Variants in ZNF528 observed in about 807,000 individuals in gnomAD.
ZNF528 encodes the protein zinc finger protein 528.
Under a neutral mutation model 13.3 loss-of-function variants are expected in ZNF528, and 9 were observed. The observed-to-expected ratio is 0.67, with a 90% confidence interval of 0.41 to 1.18. The LOEUF is 1.18. Ranked by LOEUF, ZNF528 falls within the 50% of genes most tolerant of loss-of-function variation. The pLI is 0.01. For synonymous variants in ZNF528, 264 were observed against 254.3 expected (o/e 1.04, Z -0.36); for missense variants, 858 against 745.4 (o/e 1.15, Z -1.76).
intron 6 of ZNF528, chr19:52,414,186 T>G (rs560076389): frequency 1.4e-6 from 1 of 702,192 alleles, no homozygotes; most frequent in African/African-American, 1.7e-5. Flanking sequence ...GTTTCCCCAT[T>G]CACCTTGTGA....
intron 2 of ZNF528, among the ~76,000 whole-genome samples, chr19:52,399,633 A>C (rs914960348): frequency 6.6e-6 from 1 of 152,054 alleles, no homozygotes; most frequent in African/African-American, 2.4e-5. Context: ...AAAAAACCAC[A>C]CATGAAGATG....
In ZNF528 at chr19:52,415,560, T is replaced by C; in HGVS notation, c.708T>C (p.Thr236=). 1 of 1,614,194 alleles carries C rather than the reference T, an allele frequency of 6.2e-7. No individual in the cohort carries two copies. The highest frequency in any genetic ancestry group is 8.5e-7 in the Non-Finnish European group (1 of 1,180,034). ...SKLVIHRRMH[T]GEKPYKCHEC... ...TTGTGATACATCGAAGAATGCATAC[T>C]GGAGAGAAGCCTTACAAATGTCATG... The change falls in exon 7 of 7, where the codon ACT becomes ACC. Residue 236 remains threonine (T), a synonymous_variant. Coordinates refer to ENST00000360465, the MANE Select transcript of ZNF528 (RefSeq NM_032423.3).
intron 2 of ZNF528, 88 bp downstream of exon 2, chr19:52,398,707 C>T (rs1290219175): frequency 1.4e-6 from 1 of 727,156 alleles, no homozygotes; most frequent in Non-Finnish European, 1.7e-6. Context: ...ATAGACAAAC[C>T]TGGGTCTGTA....
At position 52,415,842 on chromosome 19, in the gene ZNF528, T is replaced by G; in HGVS notation, c.990T>G (p.Cys330Trp). The change falls in exon 7 of 7, where the codon TGT (cysteine) becomes TGG (tryptophan). Residue 330 changes from cysteine to tryptophan, a missense_variant. By Grantham distance (215) the Cys-to-Trp change is radical. Coordinates refer to ENST00000360465, the MANE Select transcript of ZNF528 (RefSeq NM_032423.3). ...TGEKPYSCNK[C>W]GKVFSRHSYL... is the part of the protein sequence containing the mutation. ...AGAAACCTTACAGTTGTAATAAATG[T>G]GGCAAGGTCTTTAGTCGCCATTCAT... 1 of 1,613,964 alleles carries G rather than the reference T, an allele frequency of 6.2e-7. No individual in the cohort carries two copies. Among genetic ancestry groups the G allele is most frequent in the Non-Finnish European group, 8.5e-7 (1 of 1,179,894 alleles).
chr19:52,414,064 C>T, intron 6 of ZNF528: 1 of 611,318 alleles, frequency 1.6e-6, no homozygotes, highest in South Asian at 1.9e-5. Context: ...CCCCACGTTA[C>T]CCTGATTCAG....
intron 6 of ZNF528, among the ~76,000 whole-genome samples, chr19:52,409,925 G>T (rs1037328765): frequency 6.6e-6 from 1 of 152,154 alleles, no homozygotes; most frequent in African/African-American, 2.4e-5. Flanking sequence ...ATGTTGGTCA[G>T]GCTGGTCTCG....
At chr19:52,407,761 G>C (rs1381049807) in intron 6 of ZNF528, among the ~76,000 whole-genome samples, 1 of 152,118 alleles carries the variant, frequency 6.6e-6, no homozygotes, top group African/African-American at 2.4e-5. Flanking sequence ...GGGTGACAGA[G>C]TGAGACCCTG....
intron 2 of ZNF528, among the ~76,000 whole-genome samples, chr19:52,400,243 CA>C (rs1454293106): frequency 6.6e-6 from 1 of 151,600 alleles, no homozygotes. Context: ...CACACACACA[CA>C]CACACACACA....
chr19:52,403,874 C>T (rs1428180418), intron 4 of ZNF528, among the ~76,000 whole-genome samples: 1 of 151,710 alleles, frequency 6.6e-6, no homozygotes, highest in Non-Finnish European at 1.5e-5. Flanking sequence ...AAATATTTAC[C>T]AGGTTAAAAT....
chr19:52,415,893 T>C lies in ZNF528; in HGVS notation c.1041T>C (p.His347=), dbSNP rs759490232. Residue 347 remains histidine, a synonymous_variant, in exon 7 of 7, where the codon CAT becomes CAC. Transcript: ENST00000360465. ...HSYLAEHQTV[H]TGEKPYKCEE... ...ATCTAGCAGAACATCAAACGGTTCA[T>C]ACTGGTGAGAAACCTTACAAATGTG... is the stretch of plus-strand genomic sequence containing the variant. 6.2e-7 allele frequency: 1 copy of C among 1,613,958 alleles called. No homozygotes were observed. Among genetic ancestry groups the C allele is most frequent in the Non-Finnish European group, 8.5e-7 (1 of 1,180,042 alleles).
chr19:52,403,220 A>G (rs1020003139), intron 4 of ZNF528, among the ~76,000 whole-genome samples: 1 of 152,160 alleles, frequency 6.6e-6, no homozygotes, highest in Non-Finnish European at 1.5e-5. Context: ...TTAGTTTCCC[A>G]CTTGGGAGGC....
chr19:52,407,259 C>T (rs921431490), intron 6 of ZNF528, among the ~76,000 whole-genome samples: 2 of 151,894 alleles, frequency 1.3e-5, no homozygotes, highest in Non-Finnish European at 2.9e-5. Flanking sequence ...CCACCTCAGC[C>T]TCCTGAATAG....
chr19:52,406,948 C>G, intron 6 of ZNF528: 1 of 367,702 alleles, frequency 2.7e-6, no homozygotes, highest in Non-Finnish European at 4.8e-6. Context: ...CTTTATTTTC[C>G]TATTTATTTT....
rs760215767 is a variant in ZNF528 at position 52,416,360 on chromosome 19, G to A, written c.1508G>A (p.Ser503Asn). 6.2e-7 allele frequency: 1 copy of A among 1,614,048 alleles called. No individual in the cohort carries two copies. ...YKCNRCGKVF[S>N]RSSNLVCHQK... ...TGTAACAGATGTGGCAAGGTCTTCA[G>A]TCGCAGTTCAAACCTGGTATGCCAT... Residue 503 changes from serine (S) to asparagine (N), a missense_variant, in exon 7 of 7, where the codon AGT (serine) becomes AAT (asparagine). By Grantham distance (46) the Ser-to-Asn change is conservative. Coordinates refer to ENST00000360465, the MANE Select transcript of ZNF528 (RefSeq NM_032423.3).
chr19:52,409,557 T>C (rs1193980460), intron 6 of ZNF528, among the ~76,000 whole-genome samples: 1 of 152,180 alleles, frequency 6.6e-6, no homozygotes, highest in Non-Finnish European at 1.5e-5. Flanking sequence ...CTTTCAAAAT[T>C]TGTAAAGTAA....
At position 52,416,315 on chromosome 19, in the gene ZNF528, C is replaced by T. The variant is rs781527883; in HGVS notation, c.1463C>T (p.Thr488Ile). 9.9e-6 allele frequency: 16 copies of T among 1,613,944 alleles called. No individual in the cohort carries two copies. In the African/African-American group the frequency reaches 1.6e-4, roughly 16 times the overall value. The part of the protein sequence containing the change: ...SSLTSHHRIH[T>I]GEKPYKCNRC... ...CTAACCAGTCATCATAGAATTCATA[C>T]TGGAGAGAAGCCTTACAAATGTAAC... The change falls in exon 7 of 7, where the codon ACT becomes ATT. Residue 488 changes from threonine (T) to isoleucine (I), a missense_variant. Physicochemically the swap from Thr to Ile is moderately conservative, Grantham distance 89. Coordinates refer to ENST00000360465, the MANE Select transcript of ZNF528 (RefSeq NM_032423.3).
In ZNF528 at chr19:52,398,827, G is replaced by C. The variant is rs1399673098; in HGVS notation, c.-137+208G>C. On this transcript the variant is annotated intron_variant, in intron 2 of 6. Coordinates refer to ENST00000360465, the MANE Select transcript of ZNF528 (RefSeq NM_032423.3). The stretch of plus-strand genomic sequence containing the variant: ...CAGCGTGGTGCTGGGACAGCCAGAG[G>C]GGGCAGCTGGTCACAAGGAGAACAG... Among the ~76,000 whole-genome samples, 3 of 152,252 alleles carry C rather than the reference G, an allele frequency of 2.0e-5. No homozygotes were observed. In the East Asian group the frequency reaches 5.8e-4, roughly 29 times the overall value.
intron 6 of ZNF528, chr19:52,412,711 TG>T (rs71180459): frequency 0.89 from 134,954 of 151,914 alleles, 59,945 homozygotes; most frequent in Admixed American, 0.91. Flanking sequence ...TGCTGGGTGT[TG>T]GGGGGGGGCA....
chr19:52,402,483 A>G (rs324090), intron 4 of ZNF528: 1 of 170,238 alleles, frequency 5.9e-6, no homozygotes, highest in East Asian at 1.5e-4. Context: ...GCTCATTGCA[A>G]CCTCCGCCTC....
Sources: gnomAD v4.1 joint callset for allele counts (sites outside exome capture counted in the v4.1 genomes callset) on GRCh38, gnomAD v4.1.1 for gene constraint, MANE v1.5 for transcripts, NCBI Gene and HGNC (gene_info 2026-07-23, HGNC 2026-07-21) for gene names.